The following NUP133 variants were observed in gnomAD, a reference collection of about 807,000 sequenced individuals.
The protein encoded by NUP133 is nuclear pore complex protein Nup133.
NUP133 carries 66 observed loss-of-function variants against 146.2 expected under a neutral mutation model. The ratio of observed to expected loss-of-function variants is 0.45; its 90% confidence interval spans 0.37 to 0.55. The LOEUF (loss-of-function observed/expected upper bound fraction) is 0.55. NUP133 is among the 20% of genes least tolerant of loss of function. The pLI, the probability that NUP133 is intolerant of heterozygous loss-of-function variation, is 0.00. For missense variants in NUP133, 1,277 were observed against 1,374.8 expected, an observed-to-expected ratio of 0.93 and a Z score of 1.12; for synonymous variants, 521 against 498.8, an observed-to-expected ratio of 1.04 and a Z score of -0.59.
At chr1:229,488,859 A>G (rs1459429821) in intron 9 of NUP133, among the ~76,000 whole-genome samples, 1 of 152,180 alleles carries the variant, frequency 6.6e-6, no homozygotes, top group Non-Finnish European at 1.5e-5. Context: ...CAAAAAATAA[A>G]CAAACAAGGA....
Position 229,460,772 on chromosome 1 carries a change from A to G in NUP133, c.2686-3T>C, listed in dbSNP as rs1026064692. 1.4e-5 allele frequency: 22 copies of G among 1,607,790 alleles called. No homozygotes were observed. Among genetic ancestry groups the G allele is most frequent in the Non-Finnish European group, 1.9e-5 (22 of 1,176,776 alleles). The stretch of plus-strand genomic sequence containing the variant: ...CGGAAGAGAAAGTCTGAAAAATTCT[A>G]CAAATAACAGAACATAGAATTCATT... On this transcript the variant is annotated splice_region_variant and splice_polypyrimidine_tract_variant and intron_variant, in intron 19 of 25. Transcript: ENST00000261396.
chr1:229,456,505 A>T (rs1571910071), intron 21 of NUP133, among the ~76,000 whole-genome samples: 1 of 152,318 alleles, frequency 6.6e-6, no homozygotes, highest in East Asian at 1.9e-4. Context: ...AAACTTGAAC[A>T]GTGGGAGCTG....
At chr1:229,446,733 CA>C (rs1239986985) in intron 24 of NUP133, among the ~76,000 whole-genome samples, 137 of 144,132 alleles carry the variant, frequency 9.5e-4, no homozygotes, top group African/African-American at 3.2e-3. Flanking sequence ...GACTCCATCT[CA>C]AAAAAAAAAT....
At chr1:229,450,628 A>G in intron 22 of NUP133, 23 bp from the exon 23 acceptor site, 8 of 1,238,220 alleles carry the variant, frequency 6.5e-6, no homozygotes, top group Non-Finnish European at 9.3e-6. Context: ...AAAATAAGGT[A>G]GAAGATTATA....
At chr1:229,465,181 T>C (rs1387141299) in intron 17 of NUP133, among the ~76,000 whole-genome samples, 1 of 152,206 alleles carries the variant, frequency 6.6e-6, no homozygotes, top group Non-Finnish European at 1.5e-5. Context: ...CTTCTATGAA[T>C]AACTATTTGA....
chr1:229,484,182 A>T, intron 11 of NUP133, 37 bp from the exon 12 acceptor site: 2 of 1,444,758 alleles, frequency 1.4e-6, no homozygotes, highest in Non-Finnish European at 1.9e-6. Context: ...AGGTAAAGGC[A>T]TCTGAATATT....
intron 14 of NUP133, among the ~76,000 whole-genome samples, chr1:229,473,464 T>C (rs758362773): frequency 5.3e-5 from 8 of 152,186 alleles, no homozygotes; most frequent in Non-Finnish European, 1.0e-4. Flanking sequence ...GTGAGGGTTC[T>C]CTGGAACCCA....
chr1:229,442,069 T>C, intron 25 of NUP133, 29 bp from the exon 26 acceptor site: 3 of 1,537,366 alleles, frequency 2.0e-6, no homozygotes, highest in Non-Finnish European at 2.6e-6. Context: ...GAAGTCATTT[T>C]TCAATTATTA....
At chr1:229,502,350 G>A (rs1170223818) in intron 2 of NUP133, among the ~76,000 whole-genome samples, 2 of 151,824 alleles carry the variant, frequency 1.3e-5, no homozygotes, top group Non-Finnish European at 2.9e-5. Context: ...ACGAGGTCAG[G>A]AGATCGAGAC....
chr1:229,495,432 T>A, intron 8 of NUP133, 63 bp downstream of exon 8: 1 of 1,134,950 alleles, frequency 8.8e-7, no homozygotes, highest in Non-Finnish European at 1.3e-6. Context: ...CATTTTATTA[T>A]AAACATCAAC....
chr1:229,488,022 C>A (rs1021968607), intron 9 of NUP133, among the ~76,000 whole-genome samples: 1 of 151,376 alleles, frequency 6.6e-6, no homozygotes, highest in Non-Finnish European at 1.5e-5. Context: ...TTTTTTGTAT[C>A]TTTAGTAGAG....
intron 8 of NUP133, among the ~76,000 whole-genome samples, chr1:229,494,878 G>C (rs1661614773): frequency 6.6e-6 from 1 of 152,190 alleles, no homozygotes; most frequent in African/African-American, 2.4e-5. Context: ...CCACAGCAGT[G>C]GGCAATGACA....
chr1:229,470,819 AAC>A lies in NUP133; in HGVS notation c.1852-17_1852-16del, dbSNP rs1490545744. On this transcript the variant is annotated splice_polypyrimidine_tract_variant and intron_variant, in intron 14 of 25. Coordinates refer to ENST00000261396, the MANE Select transcript of NUP133 (RefSeq NM_018230.3). ...AATAAGCCAACCTTGCAAAAAGGCA[AAC>A]ACATATTCTCAGAAAGCAATTATGG... is the stretch of plus-strand genomic sequence containing the variant. The A allele has an allele frequency of 1.2e-6, 2 of 1,609,028 alleles. No homozygotes were observed. The highest frequency in any genetic ancestry group is 1.7e-6 in the Non-Finnish European group (2 of 1,176,364).
chr1:229,461,517 C>T (rs531848184), intron 19 of NUP133, among the ~76,000 whole-genome samples: 2 of 152,336 alleles, frequency 1.3e-5, no homozygotes, highest in East Asian at 1.9e-4. Context: ...TCATCTTCCT[C>T]TCCTCTAAAT....
chr1:229,496,065 G>C lies in NUP133; in HGVS notation c.820-18C>G. On this transcript the variant is annotated intron_variant, in intron 6 of 25. Coordinates refer to ENST00000261396, the MANE Select transcript of NUP133 (RefSeq NM_018230.3). ...CTTGAAAGCTATTCAGAAAAGAAAA[G>C]GAAGTCAAATTCACAGATTAACTTC... 1.3e-6 allele frequency: 2 copies of C among 1,539,236 alleles called. No homozygotes were observed. The highest frequency in any genetic ancestry group is 2.5e-5 in the South Asian group (2 of 79,856).
rs573114488 is a variant in NUP133 at position 229,498,271 on chromosome 1, T to G, written c.684A>C (p.Gln228His). 2 of 1,603,170 alleles carry G rather than the reference T, an allele frequency of 1.2e-6. No individual in the cohort carries two copies. Among genetic ancestry groups the G allele is most frequent in the East Asian group, 2.2e-5 (1 of 44,616 alleles). The change falls in exon 6 of 26, where the codon CAA (glutamine) becomes CAC (histidine). Residue 228 changes from glutamine to histidine, a missense_variant. Physicochemically the swap from Gln to His is conservative, Grantham distance 24. Coordinates refer to ENST00000261396, the MANE Select transcript of NUP133 (RefSeq NM_018230.3). ...AGCTCTCAGGTATCAACCGAATTAG[T>G]TGGCTTCCTGATGAAGACAAAATAA... ...GSFILSSSGS[Q>H]LIRLIPESSG...
intron 8 of NUP133, among the ~76,000 whole-genome samples, chr1:229,491,095 C>A (rs950175607): frequency 1.3e-5 from 2 of 152,014 alleles, no homozygotes; most frequent in Non-Finnish European, 2.9e-5. Flanking sequence ...AAAGTACAGC[C>A]CTCCAGTGAA....
chr1:229,455,905 T>C (rs1208855599), intron 21 of NUP133, among the ~76,000 whole-genome samples: 1 of 152,248 alleles, frequency 6.6e-6, no homozygotes, highest in East Asian at 1.9e-4. Context: ...ACATTCACCA[T>C]AACTGTTACG....
At chr1:229,497,176 A>G (rs538608371) in intron 6 of NUP133, among the ~76,000 whole-genome samples, 23 of 152,342 alleles carry the variant, frequency 1.5e-4, no homozygotes, top group African/African-American at 5.5e-4. Context: ...AGGTTAGGGC[A>G]TAACATCAAA....
Sources: gnomAD v4.1 joint callset for allele counts (sites outside exome capture counted in the v4.1 genomes callset) on GRCh38, gnomAD v4.1.1 for gene constraint, MANE v1.5 for transcripts, NCBI Gene and HGNC (gene_info 2026-07-23, HGNC 2026-07-21) for gene names.